The following ZNF490 variants were observed in gnomAD, a reference collection of about 807,000 sequenced individuals.
ZNF490 encodes the protein zinc finger protein 490.
ZNF490 carries 11 observed loss-of-function variants against 17.7 expected under a neutral mutation model. That is an observed-to-expected ratio of 0.62 (90% CI 0.39 to 1.03). The LOEUF is 1.03. Ranked by LOEUF, ZNF490 falls within the 50% of genes least tolerant of loss-of-function variation. ZNF490 has a pLI of 0.00. For synonymous variants in ZNF490, 222 were observed against 216.1 expected, an observed-to-expected ratio of 1.03 and a Z score of -0.24; for missense variants, 542 against 643.4, an observed-to-expected ratio of 0.84 and a Z score of 1.71.
intron 2 of ZNF490, among the ~76,000 whole-genome samples, chr19:12,589,905 T>TGTAC (rs1363555348): frequency 8.1e-6 from 1 of 123,238 alleles, no homozygotes; most frequent in Non-Finnish European, 1.9e-5. Flanking sequence ...TATGTATGTA[T>TGTAC]GTATGTATTT....
intron 2 of ZNF490, among the ~76,000 whole-genome samples, chr19:12,603,388 G>T (rs2023029552): frequency 6.6e-6 from 1 of 152,056 alleles, no homozygotes; most frequent in African/African-American, 2.4e-5. Flanking sequence ...TTGAGAGGTT[G>T]AGGTGGGAGG....
chr19:12,577,873 G>A lies in ZNF490; in HGVS notation c.*2612C>T. 1 of 985,330 alleles carries A rather than the reference G, an allele frequency of 1.0e-6. No homozygotes were observed. The highest frequency in any genetic ancestry group is 4.7e-5 in the South Asian group (1 of 21,290). The allele number at this position is 985,330 out of a possible 1,614,324, so 61.0% of individuals were successfully genotyped here. A position where few individuals can be genotyped will look rare whatever the true frequency, so the allele number is the denominator to read the frequency against. ...CCTCCCTTCTAAAACACACTGACTTGCTAAGAAAAGGGGGGACTGACTCCA... is the reference window on the plus strand; with the variant it reads ...CCTCCCTTCTAAAACACACTGACTTACTAAGAAAAGGGGGGACTGACTCCA... On this transcript the variant is annotated 3_prime_UTR_variant, in exon 5 of 5. Transcript: ENST00000311437.
intron 2 of ZNF490, among the ~76,000 whole-genome samples, chr19:12,603,762 G>A (rs2145165739): frequency 6.7e-6 from 1 of 149,410 alleles, no homozygotes; most frequent in South Asian, 2.1e-4. Flanking sequence ...CTGTCACTGG[G>A]TGACAGAGTG....
intron 2 of ZNF490, among the ~76,000 whole-genome samples, chr19:12,607,527 TA>T (rs990958298): frequency 4.0e-4 from 61 of 151,784 alleles, no homozygotes; most frequent in African/African-American, 1.3e-3. Flanking sequence ...AGTAATACAA[TA>T]TAATAACAGT....
Position 12,581,589 on chromosome 19 carries a change from C to T in ZNF490, c.486G>A (p.Gly162=). The change falls in exon 5 of 5, where the codon GGG becomes GGA. Residue 162 remains glycine (G), a synonymous_variant. Coordinates refer to ENST00000311437, the MANE Select transcript of ZNF490 (RefSeq NM_020714.3). Reference sequence around the variant, plus strand: ...GGGAGACCTGATGCATGAAGACTTCCCCACACACACTGCAGTCACATGGTT... The same window carrying T: ...GGGAGACCTGATGCATGAAGACTTCTCCACACACACTGCAGTCACATGGTT... ...GLKPCDCSVC[G]EVFMHQVSLN... 6.2e-7 allele frequency: 1 copy of T among 1,614,072 alleles called. No homozygotes were observed. The highest frequency in any genetic ancestry group is 8.5e-7 in the Non-Finnish European group (1 of 1,180,012).
intron 2 of ZNF490, among the ~76,000 whole-genome samples, chr19:12,588,506 C>T (rs1169570897): frequency 6.6e-6 from 1 of 152,082 alleles, no homozygotes; most frequent in Non-Finnish European, 1.5e-5. Flanking sequence ...GGAAGAAATA[C>T]ATGAATTCAC....
At chr19:12,582,195 C>G (rs1294268221) in intron 4 of ZNF490, among the ~76,000 whole-genome samples, 1 of 152,128 alleles carries the variant, frequency 6.6e-6, no homozygotes, top group African/African-American at 2.4e-5. Flanking sequence ...GCCACTGCGC[C>G]CAGCCAGGAT....
intron 2 of ZNF490, among the ~76,000 whole-genome samples, chr19:12,594,323 G>A (rs1436750884): frequency 6.6e-6 from 1 of 151,996 alleles, no homozygotes; most frequent in African/African-American, 2.4e-5. Context: ...AAAATTAACT[G>A]GGTGTGGTGG....
chr19:12,592,625 A>G (rs938674582), intron 2 of ZNF490, among the ~76,000 whole-genome samples: 3 of 152,188 alleles, frequency 2.0e-5, no homozygotes, highest in African/African-American at 7.2e-5. Context: ...AGCATCCTAC[A>G]TGATGCAGCT....
rs1241105617 is a variant in ZNF490 at position 12,585,373 on chromosome 19, C to T, written c.163-1817G>A. Reference sequence around the variant, plus strand: ...AACCTCCAGCCCTTTTTCTCTCCCCCGACTTTGGGGGCTAGGGCTAGAGGA... The same window carrying T: ...AACCTCCAGCCCTTTTTCTCTCCCCTGACTTTGGGGGCTAGGGCTAGAGGA... On this transcript the variant is annotated intron_variant, in intron 2 of 4. Coordinates refer to ENST00000311437, the MANE Select transcript of ZNF490 (RefSeq NM_020714.3). 1.6e-4 allele frequency among the ~76,000 whole-genome samples: 15 copies of T among 92,890 alleles called. 4 individuals are homozygous for T. Among genetic ancestry groups the T allele is most frequent in the African/African-American group, 4.5e-4 (14 of 31,016 alleles). 60.9% of individuals were successfully genotyped at this position (92,890 alleles called of 152,430 possible). A position where few individuals can be genotyped will look rare whatever the true frequency, so the allele number is the denominator to read the frequency against.
chr19:12,602,121 CACACACAT>C (rs1292353442), intron 2 of ZNF490, among the ~76,000 whole-genome samples: 29 of 149,094 alleles, frequency 1.9e-4, no homozygotes, highest in South Asian at 4.2e-4. Context: ...CACACACACA[CACACACAT>C]ATATGGGCCT....
chr19:12,581,951 T>A (rs1328187437), intron 4 of ZNF490, among the ~76,000 whole-genome samples: 2 of 151,980 alleles, frequency 1.3e-5, no homozygotes, highest in Admixed American at 1.3e-4. Context: ...TGAGACGGAG[T>A]CTCTCTGTTG....
In ZNF490 at chr19:12,610,784, C is replaced by T. The variant is rs2023140940; in HGVS notation, c.-104G>A. 2.5e-6 allele frequency: 3 copies of T among 1,200,540 alleles called. No individual in the cohort carries two copies. In the South Asian group the frequency reaches 3.8e-5, roughly 15 times the overall value. The allele number at this position is 1,200,540 out of a possible 1,614,324, so 74.4% of individuals were successfully genotyped here. ...CAATTGTCCACGGAGGGCACCAGTT[C>T]CGTCCCACCGGCGGAAGCGAGATCT... On this transcript the variant is annotated 5_prime_UTR_variant, in exon 1 of 5. Coordinates refer to ENST00000311437, the MANE Select transcript of ZNF490 (RefSeq NM_020714.3).
intron 4 of ZNF490, 70 bp from the exon 5 acceptor site, chr19:12,581,794 G>A: frequency 3.0e-6 from 4 of 1,348,322 alleles, no homozygotes; most frequent in Non-Finnish European, 4.0e-6. Flanking sequence ...GCAAGTACCA[G>A]AATTACATTT....
At position 12,577,988 on chromosome 19, in the gene ZNF490, G is replaced by T; in HGVS notation, c.*2497C>A. 1.0e-6 allele frequency: 1 copy of T among 985,446 alleles called. No homozygotes were observed. Among genetic ancestry groups the T allele is most frequent in the Non-Finnish European group, 1.2e-6 (1 of 829,972 alleles). 61.0% of individuals were successfully genotyped at this position (985,446 alleles called of 1,614,324 possible). ...CAGCAAGCAGTTTATTGGGAGTTGA[G>T]TTCACCTTGCCTTGTGATGTGAAGC... is the stretch of plus-strand genomic sequence containing the variant. On this transcript the variant is annotated 3_prime_UTR_variant, in exon 5 of 5. Coordinates refer to ENST00000311437, the MANE Select transcript of ZNF490 (RefSeq NM_020714.3).
In ZNF490 at chr19:12,582,979, T is replaced by C. The variant is rs547704146; in HGVS notation, c.290-69A>G. 34 of 1,269,372 alleles carry C rather than the reference T, an allele frequency of 2.7e-5. No individual in the cohort carries two copies. In the East Asian group the frequency reaches 7.9e-4, roughly 29 times the overall value. The allele number at this position is 1,269,372 out of a possible 1,614,324, so 78.6% of individuals were successfully genotyped here. A position where few individuals can be genotyped will look rare whatever the true frequency, so the allele number is the denominator to read the frequency against. Reference sequence around the variant, plus strand: ...TATAGAAAATTATAACACTCTAAGATCCATGATTAGCTATTGATTAGCTAT... The same window carrying C: ...TATAGAAAATTATAACACTCTAAGACCCATGATTAGCTATTGATTAGCTAT... On this transcript the variant is annotated intron_variant, in intron 3 of 4. Coordinates refer to ENST00000311437, the MANE Select transcript of ZNF490 (RefSeq NM_020714.3).
chr19:12,578,870 C>A lies in ZNF490; in HGVS notation c.*1615G>T. ...CTTTAATTCTTCCTACGAAGAATCT[C>A]GACAATGGTTGCAGATGTCATTGAA... On this transcript the variant is annotated 3_prime_UTR_variant, in exon 5 of 5. Transcript: ENST00000311437. The A allele has an allele frequency of 3.0e-6, 3 of 985,378 alleles. No homozygotes were observed. The highest frequency in any genetic ancestry group is 3.6e-6 in the Non-Finnish European group (3 of 829,896). 61.0% of individuals were successfully genotyped at this position (985,378 alleles called of 1,614,324 possible).
At chr19:12,605,289 CT>C (rs1373948430) in intron 2 of ZNF490, among the ~76,000 whole-genome samples, 1 of 152,056 alleles carries the variant, frequency 6.6e-6, no homozygotes, top group Non-Finnish European at 1.5e-5. Flanking sequence ...TGAGACTAGC[CT>C]GGACAACAGA....
intron 1 of ZNF490, among the ~76,000 whole-genome samples, chr19:12,609,715 T>C (rs2023120094): frequency 6.6e-6 from 1 of 152,150 alleles, no homozygotes; most frequent in African/African-American, 2.4e-5. Context: ...TTATCCTAAG[T>C]GCGATGATGC....
Sources: gnomAD v4.1 joint callset for allele counts (sites outside exome capture counted in the v4.1 genomes callset) on GRCh38, gnomAD v4.1.1 for gene constraint, MANE v1.5 for transcripts, NCBI Gene and HGNC (gene_info 2026-07-23, HGNC 2026-07-21) for gene names.